PRDM16: variants seen among roughly 807,000 people sequenced by gnomAD.
The protein encoded by PRDM16 is histone-lysine N-methyltransferase PRDM16.
Under a neutral mutation model 110.6 loss-of-function variants are expected in PRDM16, and 23 were observed. The ratio of observed to expected loss-of-function variants is 0.21; its 90% confidence interval spans 0.15 to 0.29. The LOEUF (loss-of-function observed/expected upper bound fraction) is 0.29. Among genes scored for constraint, PRDM16 ranks in the 10% least tolerant of loss-of-function variants. The pLI is 1.00. For synonymous variants in PRDM16, 799 were observed against 781.8 expected (o/e 1.02, Z -0.37); for missense variants, 1,615 against 1,794.3 (o/e 0.90, Z 1.81).
intron 1 of PRDM16, among the ~76,000 whole-genome samples, chr1:3,154,051 C>T (rs541767464): frequency 1.1e-3 from 161 of 152,322 alleles, no homozygotes; most frequent in Non-Finnish European, 2.1e-3. Context: ...CTCCCCTTCC[C>T]GTGCACTCTC....
intron 1 of PRDM16, among the ~76,000 whole-genome samples, chr1:3,171,530 A>T (rs957450463): frequency 1.3e-5 from 2 of 152,146 alleles, no homozygotes; most frequent in Admixed American, 6.5e-5. Flanking sequence ...GTCACTGGCC[A>T]TCCCTTCCTC....
intron 1 of PRDM16, among the ~76,000 whole-genome samples, chr1:3,125,712 G>A (rs563686297): frequency 6.6e-6 from 1 of 152,246 alleles, no homozygotes; most frequent in Non-Finnish European, 1.5e-5. Context: ...TGTCGGTCAC[G>A]GCAGGTTGGG....
chr1:3,373,928 CA>C lies in PRDM16; in HGVS notation c.439-11222del, dbSNP rs1642950365. 2.0e-5 allele frequency among the ~76,000 whole-genome samples: 3 copies of C among 152,352 alleles called. No homozygotes were observed. In the South Asian group the frequency reaches 6.2e-4, roughly 32 times the overall value. On this transcript the variant is annotated intron_variant, in intron 3 of 16. Coordinates refer to ENST00000270722, the MANE Select transcript of PRDM16 (RefSeq NM_022114.4). ...CCTGGCTGCTGGTGTTGACCAGAGCCAACCAAAGCCAACCAGAGCCAACCAC... is the reference window on the plus strand; with the variant it reads ...CCTGGCTGCTGGTGTTGACCAGAGCCACCAAAGCCAACCAGAGCCAACCAC...
At chr1:3,345,354 G>T (rs1222274098) in intron 3 of PRDM16, among the ~76,000 whole-genome samples, 1 of 152,170 alleles carries the variant, frequency 6.6e-6, no homozygotes, top group African/African-American at 2.4e-5. Flanking sequence ...CTACCACTGT[G>T]GGAACCGGAG....
Position 3,255,128 on chromosome 1 carries a change from C to T in PRDM16, c.438+10991C>T, listed in dbSNP as rs1337988467. 6.6e-6 allele frequency among the ~76,000 whole-genome samples: 1 copy of T among 151,868 alleles called. No homozygotes were observed. Among genetic ancestry groups the T allele is most frequent in the Non-Finnish European group, 1.5e-5 (1 of 67,962 alleles). ...TATGTAGAAAGCTGAAACTGGATCC[C>T]TTCCTTACACCTTATACAAAAATTA... On this transcript the variant is annotated intron_variant, in intron 3 of 16. Transcript: ENST00000270722. This position sits in a 1 kb window ranked among gnomAD's most constrained non-coding sequence, Gnocchi z 4.7.
chr1:3,167,216 C>T (rs1201108829), intron 1 of PRDM16, among the ~76,000 whole-genome samples: 1 of 152,164 alleles, frequency 6.6e-6, no homozygotes, highest in Non-Finnish European at 1.5e-5. Context: ...GGTGAAGGCC[C>T]CTGTCCCTCC....
intron 4 of PRDM16, among the ~76,000 whole-genome samples, chr1:3,387,204 G>A (rs1401933211): frequency 6.6e-6 from 1 of 152,090 alleles, no homozygotes; most frequent in African/African-American, 2.4e-5. Context: ...CCACAGTGCC[G>A]ACTTCCTCCA....
chr1:3,197,094 G>T (rs1327733968), intron 2 of PRDM16, among the ~76,000 whole-genome samples: 1 of 152,174 alleles, frequency 6.6e-6, no homozygotes, highest in Non-Finnish European at 1.5e-5. Flanking sequence ...ACGCGCCCCC[G>T]GGCATGGAGT....
At chr1:3,182,469 A>G (rs1448914939) in intron 1 of PRDM16, among the ~76,000 whole-genome samples, 3 of 152,178 alleles carry the variant, frequency 2.0e-5, no homozygotes, top group Non-Finnish European at 4.4e-5. Context: ...GACCCTGGCC[A>G]TAGCTTTGCT....
intron 3 of PRDM16, among the ~76,000 whole-genome samples, chr1:3,369,396 G>A (rs1466726480): frequency 6.6e-6 from 1 of 152,242 alleles, no homozygotes; most frequent in Non-Finnish European, 1.5e-5. Context: ...CCATCACCGA[G>A]CATCTGGGTG....
At chr1:3,431,524 A>G (rs1416578233) in intron 15 of PRDM16, among the ~76,000 whole-genome samples, 1 of 152,194 alleles carries the variant, frequency 6.6e-6, no homozygotes, top group Admixed American at 6.5e-5. Flanking sequence ...AGTGTTCGCC[A>G]CCAATATCGG....
intron 3 of PRDM16, among the ~76,000 whole-genome samples, chr1:3,376,762 T>C (rs945459438): frequency 6.0e-5 from 9 of 151,218 alleles, no homozygotes; most frequent in African/African-American, 2.2e-4. Context: ...CCTCCTTCGT[T>C]TCCTCTCCTC....
chr1:3,229,639 T>A (rs1046500060), intron 2 of PRDM16, among the ~76,000 whole-genome samples: 1 of 152,152 alleles, frequency 6.6e-6, no homozygotes, highest in Non-Finnish European at 1.5e-5. Flanking sequence ...TTGCAGCCCA[T>A]GAGCCTGGTC....
At chr1:3,097,863 C>T (rs1301975297) in intron 1 of PRDM16, among the ~76,000 whole-genome samples, 2 of 152,138 alleles carry the variant, frequency 1.3e-5, no homozygotes, top group East Asian at 3.9e-4. Context: ...AGCAGACGCC[C>T]CTCGAGCTGG....
At chr1:3,360,261 C>T (rs146809823) in intron 3 of PRDM16, among the ~76,000 whole-genome samples, 144 of 152,304 alleles carry the variant, frequency 9.5e-4, no homozygotes, top group African/African-American at 3.4e-3. Context: ...CTAGAAGCAG[C>T]GGAGTCTTCT....
In PRDM16 at chr1:3,255,067, T is replaced by C. The variant is rs1213754250; in HGVS notation, c.438+10930T>C. On this transcript the variant is annotated intron_variant, in intron 3 of 16. Transcript: ENST00000270722. This position sits in a 1 kb window ranked among gnomAD's most constrained non-coding sequence, Gnocchi z 4.7. ...AACAAGCAATGGGGAAAGGATTCCC[T>C]ATTTAATAAATGGTGCTGGGAAAAC... 1.3e-5 allele frequency among the ~76,000 whole-genome samples: 2 copies of C among 152,058 alleles called. No homozygotes were observed. The highest frequency in any genetic ancestry group is 4.8e-5 in the African/African-American group (2 of 41,398).
chr1:3,193,088 C>T (rs375136063), intron 2 of PRDM16, among the ~76,000 whole-genome samples: 65 of 152,020 alleles, frequency 4.3e-4, no homozygotes, highest in African/African-American at 1.6e-3. Context: ...TGAGCAGACG[C>T]AGCGGCCAGA....
chr1:3,325,179 C>A (rs1243348255), intron 3 of PRDM16, among the ~76,000 whole-genome samples: 3 of 152,170 alleles, frequency 2.0e-5, no homozygotes, highest in Non-Finnish European at 4.4e-5. Flanking sequence ...AGGGAGTGTC[C>A]CCAAGGAAAT....
intron 2 of PRDM16, among the ~76,000 whole-genome samples, chr1:3,198,667 C>T (rs1416785966): frequency 2.6e-4 from 39 of 152,224 alleles, no homozygotes; most frequent in Admixed American, 2.6e-3. Flanking sequence ...AGCTCTCGTG[C>T]ATCCACTCTG....
Sources: gnomAD v4.1 joint callset for allele counts (sites outside exome capture counted in the v4.1 genomes callset) on GRCh38, gnomAD v4.1.1 for gene constraint, Gnocchi (gnomAD v3.1) non-coding constraint, MANE v1.5 for transcripts, NCBI Gene and HGNC (gene_info 2026-07-23, HGNC 2026-07-21) for gene names.